The following DENND5A variants were observed in gnomAD, a reference collection of about 807,000 sequenced individuals.
DENND5A encodes the protein DENN domain containing 5A, also known as DENN domain-containing protein 5A.
Under a neutral mutation model 140.3 loss-of-function variants are expected in DENND5A, and 64 were observed. The ratio of observed to expected loss-of-function variants is 0.46; its 90% CI spans 0.37 to 0.56. DENND5A has a LOEUF of 0.56. DENND5A is among the 20% of genes least tolerant of loss of function. DENND5A has a pLI of 0.00. For synonymous variants in DENND5A, 605 were observed against 607.7 expected (o/e 1.00, Z 0.07); for missense variants, 1,292 against 1,593.8 (o/e 0.81, Z 3.22).
chr11:9,154,903 A>G (rs748155707), intron 12 of DENND5A, among the ~76,000 whole-genome samples: 1 of 152,080 alleles, frequency 6.6e-6, no homozygotes, highest in African/African-American at 2.4e-5. Context: ...TAACCCCAGC[A>G]CTTTGGGAGG....
chr11:9,170,741 T>C lies in DENND5A; in HGVS notation c.1943A>G (p.His648Arg). 1.2e-6 allele frequency: 2 copies of C among 1,614,000 alleles called. No individual in the cohort carries two copies. The highest frequency in any genetic ancestry group is 1.1e-5 in the South Asian group (1 of 91,072). The change falls in exon 9 of 23, where the codon CAT becomes CGT. Residue 648 changes from histidine to arginine, a missense_variant. Physicochemically the swap from His to Arg is conservative, Grantham distance 29 (BLOSUM62 0). Transcript: ENST00000328194. ...AAGTAAATGTGGGTGAATTGCAGTA[T>C]GGTCAATTTTTGCCAGACGCAGCTC... The part of the protein sequence containing the change: ...AIELRLAKID[H>R]TAIHPHLLDM...
intron 1 of DENND5A, among the ~76,000 whole-genome samples, chr11:9,239,551 C>T (rs1240280814): frequency 6.6e-6 from 1 of 151,930 alleles, no homozygotes; most frequent in Non-Finnish European, 1.5e-5. Context: ...AGGCTGGTCT[C>T]GAAATCCTGG....
chr11:9,218,239 A>G (rs1850170922), intron 1 of DENND5A, among the ~76,000 whole-genome samples: 1 of 152,098 alleles, frequency 6.6e-6, no homozygotes, highest in Admixed American at 6.5e-5. Flanking sequence ...AGGCTGGGTG[A>G]CAGAGCAAGA....
chr11:9,230,597 TAAGATGGGTGAGG>T (rs1044381647), intron 1 of DENND5A, among the ~76,000 whole-genome samples: 8 of 152,138 alleles, frequency 5.3e-5, no homozygotes, highest in Non-Finnish European at 1.5e-5. Context: ...CATTGAACCT[TAAGATGGGTGAGG>T]AAAGGTATCA....
intron 15 of DENND5A, 115 bp downstream of exon 15, chr11:9,149,966 G>A (rs779310461): frequency 7.1e-7 from 1 of 1,398,766 alleles, no homozygotes; most frequent in Non-Finnish European, 9.6e-7. Context: ...AAGCAAAGAG[G>A]TTAGCTGAAT....
intron 1 of DENND5A, among the ~76,000 whole-genome samples, chr11:9,249,350 T>C (rs1365051092): frequency 6.6e-6 from 1 of 152,164 alleles, no homozygotes; most frequent in Admixed American, 6.6e-5. Flanking sequence ...CTTATAATTG[T>C]GGCCTGTGAT....
intron 1 of DENND5A, among the ~76,000 whole-genome samples, chr11:9,215,448 G>C (rs547709115): frequency 6.6e-6 from 1 of 152,090 alleles, no homozygotes; most frequent in Non-Finnish European, 1.5e-5. Context: ...ACATCTGTCA[G>C]GTAACACCTG....
chr11:9,218,414 G>A (rs1424057403), intron 1 of DENND5A, among the ~76,000 whole-genome samples: 2 of 152,112 alleles, frequency 1.3e-5, no homozygotes, highest in African/African-American at 2.4e-5. Flanking sequence ...AATAAAATTA[G>A]TCTGGGTACA....
chr11:9,238,201 A>ACTCACGATAC (rs1851083103), intron 1 of DENND5A, among the ~76,000 whole-genome samples: 1 of 152,282 alleles, frequency 6.6e-6, no homozygotes, highest in East Asian at 1.9e-4. Flanking sequence ...ACGATACAGT[A>ACTCACGATAC]TCAAGAAATA....
intron 5 of DENND5A, among the ~76,000 whole-genome samples, chr11:9,191,834 A>T (rs1849137171): frequency 6.6e-6 from 1 of 152,142 alleles, no homozygotes; most frequent in Non-Finnish European, 1.5e-5. Flanking sequence ...TCTTTTTGTG[A>T]CTTTACAGAA....
At position 9,145,676 on chromosome 11, in the gene DENND5A, G is replaced by A. The variant is rs1847406040; in HGVS notation, c.2997C>T (p.Thr999=). ...MQIPRNVLEM[T]FECQNLGKLT... ...GGCCCCAAATAACACATACCTCGAA[G>A]GTCATCTCTAGCACATTCCTGGGAA... The change falls in exon 17 of 23, where the codon ACC becomes ACT. Residue 999 remains threonine (T), a synonymous_variant. Coordinates refer to ENST00000328194, the MANE Select transcript of DENND5A (RefSeq NM_015213.4). The A allele has an allele frequency of 6.2e-7, 1 of 1,614,150 alleles. No individual in the cohort carries two copies. The highest frequency in any genetic ancestry group is 8.5e-7 in the Non-Finnish European group (1 of 1,179,998).
chr11:9,174,514 TTC>T (rs1395095635), intron 8 of DENND5A, among the ~76,000 whole-genome samples: 9 of 136,868 alleles, frequency 6.6e-5, no homozygotes, highest in African/African-American at 1.6e-4. Flanking sequence ...AGAAGGTTAT[TTC>T]TTTTTTTTTT....
chr11:9,164,056 G>GTTTTTTTTTTTTTTTTT (rs768604681), intron 11 of DENND5A, among the ~76,000 whole-genome samples: 1 of 57,978 alleles, frequency 1.7e-5, no homozygotes, highest in Non-Finnish European at 3.2e-5. Context: ...TATTAATCAG[G>GTTTTTTTTTTTTTTTTT]TTTTTTTTTT....
At chr11:9,196,612 T>C (rs886923874) in intron 4 of DENND5A, among the ~76,000 whole-genome samples, 1 of 152,038 alleles carries the variant, frequency 6.6e-6, no homozygotes, top group Non-Finnish European at 1.5e-5. Flanking sequence ...TTATTTTATT[T>C]ATTTATTATT....
intron 1 of DENND5A, among the ~76,000 whole-genome samples, chr11:9,215,867 A>G (rs772553105): frequency 2.6e-5 from 4 of 152,094 alleles, no homozygotes; most frequent in Non-Finnish European, 5.9e-5. Flanking sequence ...TATATAATTA[A>G]TAAGTTAGTT....
At position 9,150,142 on chromosome 11, in the gene DENND5A, T is replaced by C. The variant is rs748445195; in HGVS notation, c.2674A>G (p.Met892Val). ...GKARAWVRLS[M>V]EKKLLSRHLK... is the part of the protein sequence containing the mutation. Reference sequence around the variant, plus strand: ...TGTCTGGAAAGTAACTTTTTTTCCATGGACAGTCGCACCCATGCTCTGGCC... The same window carrying C: ...TGTCTGGAAAGTAACTTTTTTTCCACGGACAGTCGCACCCATGCTCTGGCC... Residue 892 changes from methionine (M) to valine (V), a missense_variant, in exon 15 of 23, where the codon ATG becomes GTG. By Grantham distance (21) the Met-to-Val change is conservative. Around this residue, in one of 4 missense-constraint regions of DENND5A, gnomAD observed 498 missense variants for 689.7 expected, o/e 0.72. Transcript: ENST00000328194. 3 of 1,614,088 alleles carry C rather than the reference T, an allele frequency of 1.9e-6. No individual in the cohort carries two copies. The highest frequency in any genetic ancestry group is 2.5e-6 in the Non-Finnish European group (3 of 1,179,956).
chr11:9,252,223 G>A (rs371414132), intron 1 of DENND5A, among the ~76,000 whole-genome samples: 5 of 148,918 alleles, frequency 3.4e-5, no homozygotes, highest in East Asian at 4.0e-4. Context: ...GCTTGAACCC[G>A]GGAGGCAGAG....
chr11:9,253,982 A>T (rs1161384089), intron 1 of DENND5A, among the ~76,000 whole-genome samples: 1 of 151,746 alleles, frequency 6.6e-6, no homozygotes, highest in Non-Finnish European at 1.5e-5. Flanking sequence ...ACATGGAGAA[A>T]CCCCATCTCT....
chr11:9,233,569 T>A (rs1850869012), intron 1 of DENND5A, among the ~76,000 whole-genome samples: 1 of 151,496 alleles, frequency 6.6e-6, no homozygotes, highest in African/African-American at 2.4e-5. Flanking sequence ...TGAGATGAGA[T>A]CATCCTGGAG....
Sources: gnomAD v4.1 joint callset for allele counts (sites outside exome capture counted in the v4.1 genomes callset) on GRCh38, gnomAD v4.1.1 for gene constraint, gnomAD v4.1.1 regional missense constraint, MANE v1.5 for transcripts, NCBI Gene and HGNC (gene_info 2026-07-23, HGNC 2026-07-21) for gene names.